Variants in LRRC4C observed in about 807,000 individuals in gnomAD.
The protein encoded by LRRC4C is leucine rich repeat containing 4C, also known as leucine-rich repeat-containing protein 4C.
LRRC4C carries 5 observed loss-of-function variants against 33.6 expected under a neutral mutation model. The ratio of observed to expected loss-of-function variants is 0.15; its 90% CI spans 0.08 to 0.31. The LOEUF (loss-of-function observed/expected upper bound fraction) is 0.31. Ranked by LOEUF, LRRC4C falls within the 10% of genes least tolerant of loss-of-function variation. The probability of loss-of-function intolerance (pLI) is 1.00; values close to 1 mark genes in which losing one functional copy is unlikely to be tolerated. For missense variants in LRRC4C, 560 were observed against 796.7 expected (o/e 0.70, Z 3.58); for synonymous variants, 329 against 302.0 (o/e 1.09, Z -0.93).
chr11:41,009,908 T>C (rs373646160), intron 1 of LRRC4C, among the ~76,000 whole-genome samples: 28 of 152,298 alleles, frequency 1.8e-4, no homozygotes, highest in Admixed American at 5.9e-4. Context: ...CAATTTATAA[T>C]GAGGCCATTA....
In LRRC4C at chr11:40,962,175, G is replaced by C. The variant is rs540016663; in HGVS notation, c.-495-28452C>G. On this transcript the variant is annotated intron_variant, in intron 1 of 6. Transcript: ENST00000528697. Reference sequence around the variant, plus strand: ...GCACCCGCATCAGAGAGAGATACAAGGATGAAAGCAGAAATCAGAGAGAAA... The same window carrying C: ...GCACCCGCATCAGAGAGAGATACAACGATGAAAGCAGAAATCAGAGAGAAA... 7.3e-5 allele frequency among the ~76,000 whole-genome samples: 11 copies of C among 151,676 alleles called. No individual in the cohort carries two copies. The South Asian group carries it at 2.3e-3, about 31-fold the overall frequency.
At chr11:40,547,487 C>T (rs1016972567) in intron 3 of LRRC4C, among the ~76,000 whole-genome samples, 2 of 152,026 alleles carry the variant, frequency 1.3e-5, no homozygotes, top group African/African-American at 2.4e-5. Flanking sequence ...GGAAATGACC[C>T]GTTTCATTTT....
chr11:40,640,010 G>T (rs1942011474), intron 3 of LRRC4C, among the ~76,000 whole-genome samples: 1 of 151,956 alleles, frequency 6.6e-6, no homozygotes, highest in Non-Finnish European at 1.5e-5. Flanking sequence ...ATATCAAGGA[G>T]ATGCAATCAC....
At chr11:40,999,302 C>A (rs1854198132) in intron 1 of LRRC4C, among the ~76,000 whole-genome samples, 1 of 152,078 alleles carries the variant, frequency 6.6e-6, no homozygotes, top group African/African-American at 2.4e-5. Context: ...AAGCATGGCA[C>A]ACTTAAATTG....
At chr11:40,917,497 TA>T (rs1183703134) in intron 2 of LRRC4C, among the ~76,000 whole-genome samples, 1 of 152,058 alleles carries the variant, frequency 6.6e-6, no homozygotes, top group African/African-American at 2.4e-5. Flanking sequence ...TAAAAGAACC[TA>T]GGGGCACTTA....
In LRRC4C at chr11:40,253,510, A is replaced by T. The variant is rs1377106; in HGVS notation, c.-175-11912T>A. On this transcript the variant is annotated intron_variant, in intron 4 of 6. Coordinates refer to ENST00000528697, the MANE Select transcript of LRRC4C (RefSeq NM_001258419.2). ...AGCCTCAGTTAACTGTAAAATGAGCATAACAGTAACTACCTCAAAAAATGC... is the reference window on the plus strand; with the variant it reads ...AGCCTCAGTTAACTGTAAAATGAGCTTAACAGTAACTACCTCAAAAAATGC... Among the ~76,000 whole-genome samples the T allele has an allele frequency of 1.2e-4, 18 of 152,188 alleles. No homozygotes were observed. In the South Asian group the frequency reaches 3.5e-3, roughly 30 times the overall value.
intron 3 of LRRC4C, among the ~76,000 whole-genome samples, chr11:40,483,825 A>G (rs949967918): frequency 2.0e-5 from 3 of 151,456 alleles, no homozygotes; most frequent in African/African-American, 7.3e-5. Flanking sequence ...ATATACATAT[A>G]TATATAGTTA....
intron 3 of LRRC4C, among the ~76,000 whole-genome samples, chr11:40,465,801 C>G (rs559028633): frequency 1.3e-5 from 2 of 151,888 alleles, no homozygotes; most frequent in South Asian, 4.1e-4. Flanking sequence ...AGGATGCAAA[C>G]AAAAGGGAAT....
chr11:40,486,315 G>C (rs1953863300), intron 3 of LRRC4C, among the ~76,000 whole-genome samples: 1 of 151,846 alleles, frequency 6.6e-6, no homozygotes, highest in African/African-American at 2.4e-5. Flanking sequence ...CAAACTTATA[G>C]GGGAAAAAGT....
intron 3 of LRRC4C, among the ~76,000 whole-genome samples, chr11:40,537,295 G>C (rs11035902): frequency 0.088 from 13,366 of 152,174 alleles, 1,665 homozygotes; most frequent in African/African-American, 0.28. Flanking sequence ...AATACCACCT[G>C]ATTCAATCCT....
Position 41,150,685 on chromosome 11 carries a change from A to G in LRRC4C, c.-495-216962T>C, listed in dbSNP as rs556249106. Among the ~76,000 whole-genome samples, 18 of 152,066 alleles carry G rather than the reference A, an allele frequency of 1.2e-4. No individual in the cohort carries two copies. The South Asian group carries it at 3.7e-3, about 32-fold the overall frequency. On this transcript the variant is annotated intron_variant, in intron 1 of 6. Coordinates refer to ENST00000528697, the MANE Select transcript of LRRC4C (RefSeq NM_001258419.2). The stretch of plus-strand genomic sequence containing the variant: ...CTTGCCTATATCCCAGCTACTTGGG[A>G]GGCTGAGACAGAAGAATTGCTTGAA...
At chr11:40,734,161 TA>T (rs982351571) in intron 2 of LRRC4C, among the ~76,000 whole-genome samples, 2 of 152,036 alleles carry the variant, frequency 1.3e-5, no homozygotes, top group Non-Finnish European at 2.9e-5. Flanking sequence ...CAATGCTTTT[TA>T]AAAAAATATA....
chr11:40,503,311 A>G (rs997492934), intron 3 of LRRC4C, among the ~76,000 whole-genome samples: 2 of 152,328 alleles, frequency 1.3e-5, no homozygotes, highest in African/African-American at 4.8e-5. Flanking sequence ...CACAGTGTTC[A>G]TGCTATTTTC....
chr11:40,964,892 A>G (rs1307580216), intron 1 of LRRC4C, among the ~76,000 whole-genome samples: 9 of 151,944 alleles, frequency 5.9e-5, no homozygotes, highest in South Asian at 2.1e-4. Flanking sequence ...ACCCAGTAAT[A>G]GGATGGCTGG....
At chr11:41,053,424 T>G (rs1331790616) in intron 1 of LRRC4C, among the ~76,000 whole-genome samples, 1 of 152,172 alleles carries the variant, frequency 6.6e-6, no homozygotes, top group Non-Finnish European at 1.5e-5. Flanking sequence ...CCATATGAAC[T>G]TGGAAGAAGA....
At chr11:40,614,632 C>A (rs190205427) in intron 3 of LRRC4C, among the ~76,000 whole-genome samples, 2 of 151,708 alleles carry the variant, frequency 1.3e-5, no homozygotes, top group Admixed American at 1.3e-4. Context: ...CCTAATTCAG[C>A]TTTTGACTTG....
At chr11:41,381,949 A>C (rs1953173819) in intron 1 of LRRC4C, among the ~76,000 whole-genome samples, 1 of 151,282 alleles carries the variant, frequency 6.6e-6, no homozygotes, top group South Asian at 2.1e-4. Context: ...TATATAATCT[A>C]TATATATGCA....
intron 1 of LRRC4C, among the ~76,000 whole-genome samples, chr11:41,307,322 G>A (rs541583226): frequency 9.2e-5 from 14 of 151,786 alleles, no homozygotes; most frequent in Non-Finnish European, 1.6e-4. Flanking sequence ...ATAACCTGTC[G>A]TTTAATAACC....
chr11:41,054,184 C>T (rs1252975178), intron 1 of LRRC4C, among the ~76,000 whole-genome samples: 1 of 152,166 alleles, frequency 6.6e-6, no homozygotes, highest in Non-Finnish European at 1.5e-5. Flanking sequence ...GAGATTCACT[C>T]CCAGTTACTC....
Sources: allele counts gnomAD v4.1 joint callset (sites outside exome capture counted in the v4.1 genomes callset), GRCh38; gene constraint gnomAD v4.1.1; transcripts MANE v1.5; gene names NCBI Gene and HGNC (gene_info 2026-07-23, HGNC 2026-07-21).